The following KIF26A variants were observed in gnomAD, a reference collection of about 807,000 sequenced individuals.
KIF26A encodes the protein kinesin family member 26A.
Under a neutral mutation model 126.0 loss-of-function variants are expected in KIF26A, and 74 were observed. The observed-to-expected ratio is 0.59, with a 90% CI of 0.49 to 0.71. The LOEUF is 0.71. Ranked by LOEUF, KIF26A falls within the 30% of genes least tolerant of loss-of-function variation. The pLI is 0.00. For missense variants in KIF26A, 2,984 were observed against 2,763.3 expected (o/e 1.08, Z -1.79); for synonymous variants, 1,445 against 1,232.7 (o/e 1.17, Z -3.61).
In KIF26A at chr14:104,175,328, G is replaced by A. The variant is rs775117203; in HGVS notation, c.2540G>A (p.Arg847Gln). ...AGCACCTTCGCGGAGCTGCAGGAGCGGCTGGAATGCATGGACGGCAACGAG... is the reference window on the plus strand; with the variant it reads ...AGCACCTTCGCGGAGCTGCAGGAGCAGCTGGAATGCATGGACGGCAACGAG... ...RCSTFAELQE[R>Q]LECMDGNEGP... Residue 847 changes from arginine (R) to glutamine (Q), a missense_variant, in exon 12 of 15, where the codon CGG becomes CAG. Coordinates refer to ENST00000423312, the MANE Select transcript of KIF26A (RefSeq NM_015656.2). The A allele has an allele frequency of 8.1e-6, 13 of 1,603,904 alleles. No homozygotes were observed. The highest frequency in any genetic ancestry group is 7.7e-5 in the South Asian group (7 of 90,964).
rs749321704 is a variant in KIF26A, at chr14:104,175,248, C to T, written c.2460C>T (p.Ala820=). 4 of 1,608,030 alleles carry T rather than the reference C, an allele frequency of 2.5e-6. No homozygotes were observed. Among genetic ancestry groups the T allele is most frequent in the East Asian group, 2.2e-5 (1 of 44,884 alleles). Residue 820 remains alanine (A), a synonymous_variant, in exon 12 of 15, where the codon GCC becomes GCT. Coordinates refer to ENST00000423312, the MANE Select transcript of KIF26A (RefSeq NM_015656.2). ...CTGACTTCGTGCCCATCATCCCTGC[C>T]CTGAGCCGCCACCGGCCCTCCAAGG... ...GPPDFVPIIP[A]LSRHRPSKGP...
chr14:104,169,838 G>A (rs1566862624), intron 5 of KIF26A, among the ~76,000 whole-genome samples: 2 of 152,194 alleles, frequency 1.3e-5, no homozygotes, highest in Non-Finnish European at 2.9e-5. Flanking sequence ...GTGGGGCTTT[G>A]TAATATCTGA....
chr14:104,139,227 A>G lies in KIF26A; in HGVS notation c.227A>G (p.Lys76Arg). ...GGCTGGTGCCGCCACTGCCACACGA[A>G]GCTGGTGGAGCTCAAGCGACAGGCG... ...GGGWCRHCHT[K>R]LVELKRQAWK... The change falls in exon 2 of 15, where the codon AAG (lysine) becomes AGG (arginine). Residue 76 changes from lysine to arginine, a missense_variant. By Grantham distance (26) the Lys-to-Arg change is conservative. Transcript: ENST00000423312. The G allele has an allele frequency of 1.3e-6, 2 of 1,557,258 alleles. No homozygotes were observed. The highest frequency in any genetic ancestry group is 1.7e-6 in the Non-Finnish European group (2 of 1,152,862).
In KIF26A at chr14:104,173,146, G is replaced by A; in HGVS notation, c.1590G>A (p.Leu530=). ...AGGTGTGCGGGCGCGACCAGAGCCT[G>A]CGGGACCTGCTGGCCGAGGTGGCCC... The part of the protein sequence containing the change: ...AVEVCGRDQS[L]RDLLAEVAPG... The change falls in exon 8 of 15, where the codon CTG becomes CTA. Residue 530 remains leucine (L), a synonymous_variant. Transcript: ENST00000423312. 6.2e-7 allele frequency: 1 copy of A among 1,610,642 alleles called. No homozygotes were observed. The highest frequency in any genetic ancestry group is 1.1e-5 in the South Asian group (1 of 90,722).
chr14:104,176,088 C>T lies in KIF26A; in HGVS notation c.3300C>T (p.Ala1100=), dbSNP rs1296864359. ...APEGGPLEGA[A]WAGSSHGSSI... is the part of the protein sequence containing the mutation. Reference sequence around the variant, plus strand: ...AGGGGGGGCCCCTGGAGGGGGCAGCCTGGGCCGGCAGCAGTCACGGCTCCT... The same window carrying T: ...AGGGGGGGCCCCTGGAGGGGGCAGCTTGGGCCGGCAGCAGTCACGGCTCCT... The change falls in exon 12 of 15, where the codon GCC becomes GCT. Residue 1100 remains alanine (A), a synonymous_variant. Coordinates refer to ENST00000423312, the MANE Select transcript of KIF26A (RefSeq NM_015656.2). The T allele has an allele frequency of 3.1e-6, 5 of 1,589,714 alleles. No individual in the cohort carries two copies. Among genetic ancestry groups the T allele is most frequent in the Non-Finnish European group, 4.3e-6 (5 of 1,169,692 alleles).
Position 104,152,265 on chromosome 14 carries a change from C to T in KIF26A, c.539C>T (p.Ala180Val), listed in dbSNP as rs759116270. 4.5e-5 allele frequency: 72 copies of T among 1,592,952 alleles called. No individual in the cohort carries two copies. The highest frequency in any genetic ancestry group is 5.7e-5 in the Non-Finnish European group (67 of 1,172,074). ...SRDTPGPAGPAGRQPGRAGPD... is the reference protein window; with the variant it reads ...SRDTPGPAGPVGRQPGRAGPD... ...GACACGCCAGGACCAGCGGGTCCTG[C>T]AGGGAGGCAGCCAGGACGAGCTGGG... Residue 180 changes from alanine (A) to valine (V), a missense_variant, in exon 3 of 15, where the codon GCA (alanine) becomes GTA (valine). Physicochemically the swap from Ala to Val is moderately conservative, Grantham distance 64. Coordinates refer to ENST00000423312, the MANE Select transcript of KIF26A (RefSeq NM_015656.2). This position sits in a 1 kb window ranked among gnomAD's most constrained non-coding sequence, Gnocchi z 5.9.
At chr14:104,178,464 CGGG>C in intron 12 of KIF26A, 83 bp from the exon 13 acceptor site, 1 of 1,032,224 alleles carries the variant, frequency 9.7e-7, no homozygotes, top group South Asian at 2.2e-5. Flanking sequence ...TGTCAGGACT[CGGG>C]CCGGCTCCGC....
chr14:104,142,028 G>A (rs1019021196), intron 2 of KIF26A, among the ~76,000 whole-genome samples: 52 of 151,822 alleles, frequency 3.4e-4, no homozygotes, highest in Non-Finnish European at 6.9e-4. Context: ...CCAGGTTCCC[G>A]GCCTACCTCT....
Position 104,175,918 on chromosome 14 carries a change from G to C in KIF26A, c.3130G>C (p.Ala1044Pro). The C allele has an allele frequency of 6.5e-7, 1 of 1,548,398 alleles. No individual in the cohort carries two copies. Among genetic ancestry groups the C allele is most frequent in the South Asian group, 1.2e-5 (1 of 84,742 alleles). The stretch of plus-strand genomic sequence containing the variant: ...GGTGGTGGAGGAGCTGTCCCTGGGG[G>C]CGCTTGCCGGAGCTGGGCGGCCCAC... ...FTVVEELSLG[A>P]LAGAGRPTSL... Residue 1044 changes from alanine to proline, a missense_variant, in exon 12 of 15, where the codon GCG becomes CCG. By Grantham distance (27) the Ala-to-Pro change is conservative. Coordinates refer to ENST00000423312, the MANE Select transcript of KIF26A (RefSeq NM_015656.2).
At chr14:104,153,101 T>A (rs1161375898) in intron 3 of KIF26A, among the ~76,000 whole-genome samples, 2 of 152,068 alleles carry the variant, frequency 1.3e-5, no homozygotes, top group Non-Finnish European at 2.9e-5. Context: ...CCCCGTAGTC[T>A]CTGGGGCAAC....
rs535097757 is a variant in KIF26A, at chr14:104,166,711, G to C, written c.924-148G>C. On this transcript the variant is annotated intron_variant, in intron 4 of 14. Coordinates refer to ENST00000423312, the MANE Select transcript of KIF26A (RefSeq NM_015656.2). ...GAACCGTCCACTGTAGAAATGAAGT[G>C]CAGGCCTCCCAGCCACATTTTGGAC... 4.2e-5 allele frequency: 31 copies of C among 734,090 alleles called. No individual in the cohort carries two copies. In the African/African-American group the frequency reaches 5.3e-4, roughly 13 times the overall value. The allele number at this position is 734,090 out of a possible 1,614,324, so 45.5% of individuals were successfully genotyped here.
intron 2 of KIF26A, among the ~76,000 whole-genome samples, chr14:104,145,210 C>T (rs113175982): frequency 8.5e-5 from 13 of 152,232 alleles, no homozygotes; most frequent in Admixed American, 1.3e-4. Context: ...CTTCTTCCGG[C>T]GCTCAGGGTC....
Position 104,148,348 on chromosome 14 carries a change from G to A in KIF26A, c.289-3667G>A, listed in dbSNP as rs2037698259. 6.6e-6 allele frequency among the ~76,000 whole-genome samples: 1 copy of A among 152,202 alleles called. No individual in the cohort carries two copies. The highest frequency in any genetic ancestry group is 1.5e-5 in the Non-Finnish European group (1 of 68,042). On this transcript the variant is annotated intron_variant, in intron 2 of 14. Transcript: ENST00000423312. The surrounding 1 kb of genome is among the most constrained non-coding windows in gnomAD (Gnocchi z 4.3). ...TTCCAAATGCAAGTAAAGTATCTGT[G>A]TAATTAGACCATAAAGAGAAAATTA... is the stretch of plus-strand genomic sequence containing the variant.
At chr14:104,139,902 G>A (rs2037621261) in intron 2 of KIF26A, among the ~76,000 whole-genome samples, 1 of 152,234 alleles carries the variant, frequency 6.6e-6, no homozygotes, top group South Asian at 2.1e-4. Context: ...CAGCCCCAGG[G>A]GCAGGTGCTT....
chr14:104,157,660 G>C, intron 3 of KIF26A, 95 bp from the exon 4 acceptor site: 1 of 1,338,608 alleles, frequency 7.5e-7, no homozygotes, highest in East Asian at 2.7e-5. Flanking sequence ...GCTGGGCTCT[G>C]GGGTGCCCAG....
rs370514841 is a variant in KIF26A at position 104,165,424 on chromosome 14, C to T, written c.924-1435C>T. The stretch of plus-strand genomic sequence containing the variant: ...TATGTGTTCTGTGTGTCTCTGTATG[C>T]GTGTGTGTCTGTCTCTGTGTGTGTT... On this transcript the variant is annotated intron_variant, in intron 4 of 14. Transcript: ENST00000423312. Among the ~76,000 whole-genome samples, 71 of 125,920 alleles carry T rather than the reference C, an allele frequency of 5.6e-4. No homozygotes were observed. The East Asian group carries it at 9.4e-3, about 17-fold the overall frequency. 82.6% of individuals were successfully genotyped at this position (125,920 alleles called of 152,430 possible). A position where few individuals can be genotyped will look rare whatever the true frequency, so the allele number is the denominator to read the frequency against.
intron 5 of KIF26A, among the ~76,000 whole-genome samples, chr14:104,169,584 CAT>C (rs1218854441): frequency 6.6e-6 from 1 of 152,232 alleles, no homozygotes; most frequent in Non-Finnish European, 1.5e-5. Context: ...ACTAATGTCA[CAT>C]AGTCAGAAAT....
chr14:104,171,964 C>G, intron 6 of KIF26A, 29 bp downstream of exon 6: 2 of 1,537,394 alleles, frequency 1.3e-6, no homozygotes, highest in South Asian at 2.4e-5. Flanking sequence ...GGCGTCCTCC[C>G]GGAGACCCGG....
chr14:104,177,965 C>G (rs1164953800), intron 12 of KIF26A, 67 bp downstream of exon 12: 4 of 1,394,852 alleles, frequency 2.9e-6, no homozygotes, highest in Non-Finnish European at 3.7e-6. Flanking sequence ...GCACAGCCCT[C>G]TACAGTTTAC....
Sources: allele counts gnomAD v4.1 joint callset (sites outside exome capture counted in the v4.1 genomes callset), GRCh38; gene constraint gnomAD v4.1.1; non-coding constraint Gnocchi (gnomAD v3.1); transcripts MANE v1.5; gene names NCBI Gene and HGNC (gene_info 2026-07-23, HGNC 2026-07-21).